The following FRMD6 variants were observed in gnomAD, a reference collection of about 807,000 sequenced individuals.
FRMD6 encodes the protein FERM domain containing 6.
In FRMD6, 37 loss-of-function variants were observed where a neutral mutation model predicts 73.2. That is an observed-to-expected ratio of 0.51 (90% CI 0.39 to 0.66). FRMD6 has a LOEUF of 0.66. Ranked by LOEUF, FRMD6 falls within the 30% of genes least tolerant of loss-of-function variation. The pLI, the probability that FRMD6 is intolerant of heterozygous loss-of-function variation, is 0.00. For synonymous variants in FRMD6, 273 were observed against 282.2 expected (o/e 0.97, Z 0.33); for missense variants, 714 against 780.5 (o/e 0.91, Z 1.02).
chr14:51,580,932 C>T (rs1888685823), intron 2 of FRMD6, among the ~76,000 whole-genome samples: 1 of 152,118 alleles, frequency 6.6e-6, no homozygotes, highest in Admixed American at 6.6e-5. Context: ...CCCAAAAATG[C>T]AGGCTTCTTT....
At chr14:51,512,817 G>C (rs955995219) in intron 1 of FRMD6, among the ~76,000 whole-genome samples, 6 of 152,286 alleles carry the variant, frequency 3.9e-5, no homozygotes, top group Middle Eastern at 6.8e-3. Context: ...GGGCTCAGTG[G>C]TGAGGCAACT....
chr14:51,691,126 T>C (rs1370823282), intron 2 of FRMD6, among the ~76,000 whole-genome samples: 1 of 152,226 alleles, frequency 6.6e-6, no homozygotes, highest in Non-Finnish European at 1.5e-5. Context: ...ATATATTCTC[T>C]TCTGGCTTCT....
intron 1 of FRMD6, among the ~76,000 whole-genome samples, chr14:51,683,168 A>G (rs1004978414): frequency 6.6e-6 from 1 of 152,208 alleles, no homozygotes; most frequent in Non-Finnish European, 1.5e-5. Context: ...AGTTTAGCTC[A>G]TTTGCTACAT....
At chr14:51,505,508 G>C (rs1283733260) in intron 1 of FRMD6, among the ~76,000 whole-genome samples, 1 of 152,122 alleles carries the variant, frequency 6.6e-6, no homozygotes, top group Non-Finnish European at 1.5e-5. Flanking sequence ...TGCTTGGATG[G>C]AGGGGTGGTG....
At chr14:51,458,277 C>G in the FRMD6 span, among the ~76,000 whole-genome samples, 1 of 152,188 alleles carries the variant, frequency 6.6e-6, no homozygotes, top group African/African-American at 2.4e-5. Context: ...CTCACCCCTA[C>G]CCCAATCTCT....
chr14:51,397,712 G>A, the FRMD6 span, among the ~76,000 whole-genome samples: 125 of 152,230 alleles, frequency 8.2e-4, 2 homozygotes, highest in East Asian at 9.6e-3. Context: ...CACTGACATC[G>A]CGCCACATGT....
At chr14:51,471,033 T>G in the FRMD6 span, among the ~76,000 whole-genome samples, 1 of 152,218 alleles carries the variant, frequency 6.6e-6, no homozygotes, top group Non-Finnish European at 1.5e-5. Flanking sequence ...ATACCTTCAG[T>G]ATTTATGTAG....
chr14:51,631,394 C>T (rs1891330809), intron 2 of FRMD6, among the ~76,000 whole-genome samples: 1 of 152,166 alleles, frequency 6.6e-6, no homozygotes, highest in Non-Finnish European at 1.5e-5. Flanking sequence ...ATGTGTCTCA[C>T]ACTCCATTTT....
chr14:51,475,322 T>A, the FRMD6 span, among the ~76,000 whole-genome samples: 1 of 152,212 alleles, frequency 6.6e-6, no homozygotes, highest in Non-Finnish European at 1.5e-5. Context: ...AATGCCTTAT[T>A]TTTCATGGTT....
chr14:51,489,998 G>A (rs1195549044), intron 1 of FRMD6, among the ~76,000 whole-genome samples: 2 of 152,212 alleles, frequency 1.3e-5, no homozygotes, highest in African/African-American at 4.8e-5. Flanking sequence ...GTTGGAAAAG[G>A]AGACATTTAC....
At chr14:51,558,980 T>C (rs1419258287) in intron 1 of FRMD6, among the ~76,000 whole-genome samples, 1 of 152,200 alleles carries the variant, frequency 6.6e-6, no homozygotes, top group Non-Finnish European at 1.5e-5. Flanking sequence ...AAACAAAAAG[T>C]AAGCTCTAAG....
intron 1 of FRMD6, among the ~76,000 whole-genome samples, chr14:51,513,152 G>A (rs1011336551): frequency 2.6e-5 from 4 of 152,090 alleles, no homozygotes; most frequent in African/African-American, 7.2e-5. Context: ...TCACAGGAGC[G>A]GCCTTCTGAA....
At chr14:51,465,209 G>A in the FRMD6 span, among the ~76,000 whole-genome samples, 3 of 152,160 alleles carry the variant, frequency 2.0e-5, no homozygotes, top group African/African-American at 7.2e-5. Context: ...GCTATTTTTA[G>A]GTTTACTAGA....
rs564009916 is a variant in FRMD6, at chr14:51,503,359, G to T, written c.-210+13939G>T. ...TGTAATATATGGCTCTTATTATTTT[G>T]AGGTATGTTCCTTCAATACCTAGTT... is the stretch of plus-strand genomic sequence containing the variant. On this transcript the variant is annotated intron_variant, in intron 1 of 14. Coordinates refer to the FRMD6 transcript ENST00000356218. Among the ~76,000 whole-genome samples, 376 of 152,202 alleles carry T rather than the reference G, an allele frequency of 2.5e-3. 2 individuals are homozygous for T. Among genetic ancestry groups the T allele is most frequent in the African/African-American group, 8.3e-3 (343 of 41,516 alleles).
the FRMD6 span, among the ~76,000 whole-genome samples, chr14:51,427,696 A>T: frequency 1.3e-5 from 2 of 152,242 alleles, no homozygotes; most frequent in Non-Finnish European, 2.9e-5. Context: ...TAGAGATGTG[A>T]ACATAAGTGA....
chr14:51,660,786 T>C lies in FRMD6; in HGVS notation c.-147+8790T>C, dbSNP rs181349943. ...GTGCTGGGGGAGGGAGGCAGGGACT[T>C]TGCGATTTGGTGGAGTATAGTCAAG... On this transcript the variant is annotated intron_variant, in intron 1 of 13. Transcript: ENST00000344768. Among the ~76,000 whole-genome samples the C allele has an allele frequency of 5.7e-4, 86 of 151,744 alleles. 2 individuals carry two copies. In the East Asian group the frequency reaches 0.014, roughly 24 times the overall value.
intron 4 of FRMD6, 89 bp from the exon 5 acceptor site, chr14:51,702,423 T>C: frequency 9.8e-7 from 1 of 1,021,806 alleles, no homozygotes; most frequent in Non-Finnish European, 1.5e-6. Context: ...AAAAAGTATC[T>C]TGCAAATAAT....
intron 1 of FRMD6, among the ~76,000 whole-genome samples, chr14:51,490,551 G>A (rs971048976): frequency 5.3e-5 from 8 of 152,182 alleles, no homozygotes; most frequent in Non-Finnish European, 1.0e-4. Context: ...GCTGGGTCCT[G>A]GCTGTATACG....
chr14:51,615,418 G>C (rs1956575), intron 2 of FRMD6, among the ~76,000 whole-genome samples: 2,351 of 152,228 alleles, frequency 0.015, 66 homozygotes, highest in African/African-American at 0.054. Context: ...TCCTAAGCAA[G>C]TAAACATGAC....
Sources: gnomAD v4.1 joint callset for allele counts (sites outside exome capture counted in the v4.1 genomes callset) on GRCh38, gnomAD v4.1.1 for gene constraint, MANE v1.5 for transcripts, NCBI Gene and HGNC (gene_info 2026-07-23, HGNC 2026-07-21) for gene names.